Variants in COASY observed in about 807,000 individuals in gnomAD.
The protein encoded by COASY is bifunctional coenzyme A synthase.
In COASY, 31 loss-of-function variants were observed where a neutral mutation model predicts 49.4. The observed-to-expected ratio is 0.63, with a 90% CI of 0.47 to 0.85. The LOEUF is 0.85. COASY is among the 40% of genes least tolerant of loss of function. The pLI, the probability that COASY is intolerant of heterozygous loss-of-function variation, is 0.00. For missense variants in COASY, 730 were observed against 734.1 expected, an observed-to-expected ratio of 0.99 and a Z score of 0.06; for synonymous variants, 285 against 310.9, an observed-to-expected ratio of 0.92 and a Z score of 0.88.
At position 42,564,567 on chromosome 17, in the gene COASY, G is replaced by A. The variant is rs1157071421; in HGVS notation, c.1037G>A (p.Arg346Gln). The change falls in exon 3 of 9, where the codon CGG becomes CAG. Residue 346 changes from arginine (R) to glutamine (Q), a missense_variant. Arg to Gln is a conservative substitution (Grantham distance 43, BLOSUM62 1). Coordinates refer to ENST00000393818, the MANE Select transcript of COASY (RefSeq NM_025233.7). ...CAGCGAATGTTGGGGAACCTGCTTC[G>A]GCCTCCATATGTAAGCTCCTCTCCC... is the stretch of plus-strand genomic sequence containing the variant. ...FRQRMLGNLLRPPYERPELPT... is the reference protein window; with the variant it reads ...FRQRMLGNLLQPPYERPELPT... 3.7e-6 allele frequency: 6 copies of A among 1,612,420 alleles called. No individual in the cohort carries two copies. The highest frequency in any genetic ancestry group is 2.2e-5 in the East Asian group (1 of 44,882).
chr17:42,563,902 GGCC>G, intron 1 of COASY, 56 bp from the exon 2 acceptor site: 2 of 1,402,550 alleles, frequency 1.4e-6, no homozygotes, highest in Non-Finnish European at 2.0e-6. Flanking sequence ...TTCCCAAACT[GGCC>G]CATACTCTCC....
rs2092977713 is a variant in COASY, at chr17:42,562,161, G to A, written c.-462G>A. On this transcript the variant is annotated 5_prime_UTR_variant, in exon 1 of 9. Transcript: ENST00000393818. ...TGCGGTTTCTCCGTTAGTGCTTCCG[G>A]GTTGCAGCCAGGGAAGCCTCCGCGG... 6.2e-6 allele frequency: 3 copies of A among 484,620 alleles called. No homozygotes were observed. Among genetic ancestry groups the A allele is most frequent in the Middle Eastern group, 5.0e-4 (1 of 1,994 alleles). 30.0% of individuals were successfully genotyped at this position (484,620 alleles called of 1,614,324 possible).
At chr17:42,565,149 C>T in intron 5 of COASY, 78 bp from the exon 6 acceptor site, 1 of 1,587,378 alleles carries the variant, frequency 6.3e-7, no homozygotes, top group Non-Finnish European at 8.7e-7. Flanking sequence ...TTCCATTGAT[C>T]TGTTCCCAAC....
In COASY at chr17:42,564,409, C is replaced by T. The variant is rs192571848; in HGVS notation, c.916-37C>T. ...GATGTCAGGGTCTTCCTCTCACTCC[C>T]TCCTTCCCTCTTTTTACCCTTTCCT... On this transcript the variant is annotated intron_variant, in intron 2 of 8. Coordinates refer to ENST00000393818, the MANE Select transcript of COASY (RefSeq NM_025233.7). 8.7e-6 allele frequency: 14 copies of T among 1,613,448 alleles called. No homozygotes were observed. In the South Asian group the frequency reaches 8.8e-5, roughly 10 times the overall value.
Position 42,565,060 on chromosome 17 carries a change from TTCCTAAGGGC to T in COASY, c.1302+21_1302+30del. ...GTTTGGGAATAAGGTAAACAATAAC[TTCCTAAGGGC>T]TCCTAAGCCGCTACTAGACCCAGGG... On this transcript the variant is annotated intron_variant, in intron 5 of 8. Coordinates refer to ENST00000393818, the MANE Select transcript of COASY (RefSeq NM_025233.7). The T allele has an allele frequency of 6.2e-7, 1 of 1,613,748 alleles. No homozygotes were observed. The highest frequency in any genetic ancestry group is 8.5e-7 in the Non-Finnish European group (1 of 1,179,664).
chr17:42,565,837 G>C (rs2143227553), intron 8 of COASY, 32 bp downstream of exon 8: 2 of 1,613,952 alleles, frequency 1.2e-6, no homozygotes, highest in Non-Finnish European at 1.7e-6. Flanking sequence ...GGGTTGTGGG[G>C]AAGGAGTCTC....
rs1322724165 is a variant in COASY at position 42,564,827 on chromosome 17, A to G, written c.1166A>G (p.Asp389Gly). 1 of 1,566,098 alleles carries G rather than the reference A, an allele frequency of 6.4e-7. No individual in the cohort carries two copies. Among genetic ancestry groups the G allele is most frequent in the South Asian group, 1.2e-5 (1 of 83,020 alleles). Residue 389 changes from aspartate to glycine, a missense_variant, in exon 4 of 9, where the codon GAC becomes GGC. Asp to Gly is a moderately conservative substitution (Grantham distance 94). Transcript: ENST00000393818. The stretch of plus-strand genomic sequence containing the variant: ...CTGGGGGCGTTTGTCATTGACAGTG[A>G]CCACCTGGGTCATCGGGCCTATGCC... ...KGLGAFVIDS[D>G]HLGHRAYAPG...
rs990004872 is a variant in COASY at position 42,562,229 on chromosome 17, G to A, written c.-394G>A. 1.3e-5 allele frequency: 7 copies of A among 557,940 alleles called. No homozygotes were observed. Among genetic ancestry groups the A allele is most frequent in the East Asian group, 3.1e-5 (1 of 31,902 alleles). The allele number at this position is 557,940 out of a possible 1,614,324, so 34.6% of individuals were successfully genotyped here. On this transcript the variant is annotated 5_prime_UTR_variant, in exon 1 of 9. Coordinates refer to ENST00000393818, the MANE Select transcript of COASY (RefSeq NM_025233.7). The stretch of plus-strand genomic sequence containing the variant: ...AAGCCTTGAGGTTTCAGTGAGTAGG[G>A]GGCCGACGTGAGCTTTAGCGTCCCC...
In COASY at chr17:42,563,186, G is replaced by T. The variant is rs777078367; in HGVS notation, c.564G>T (p.Val188=). 1 of 1,613,962 alleles carries T rather than the reference G, an allele frequency of 6.2e-7. No homozygotes were observed. Among genetic ancestry groups the T allele is most frequent in the Non-Finnish European group, 8.5e-7 (1 of 1,180,050 alleles). The change falls in exon 1 of 9, where the codon GTG becomes GTT. Residue 188 remains valine (V), a synonymous_variant. Transcript: ENST00000393818. ...SPVAGSPKQP[V]RGYYRGAVGG... ...TGGCCGGGTCTCCAAAGCAGCCGGT[G>T]CGTGGCTACTACCGTGGCGCTGTCG...
chr17:42,564,477 AGCT>A lies in COASY; in HGVS notation c.952_954del (p.Leu318del), dbSNP rs1234593864. On this transcript the variant is annotated inframe_deletion, in exon 3 of 9. Coordinates refer to ENST00000393818, the MANE Select transcript of COASY (RefSeq NM_025233.7). Reference sequence around the variant, plus strand: ...GAGGAACTTGCTTTGTACCAGATCCAGCTGCTGAAGGACCTCAGACATACAGAG... The same window carrying A: ...GAGGAACTTGCTTTGTACCAGATCCAGCTGAAGGACCTCAGACATACAGAG... 6 of 1,613,550 alleles carry A rather than the reference AGCT, an allele frequency of 3.7e-6. No homozygotes were observed. Among genetic ancestry groups the A allele is most frequent in the Non-Finnish European group, 5.1e-6 (6 of 1,179,682 alleles).
Position 42,565,999 on chromosome 17 carries a change from G to A in COASY, c.*31G>A, listed in dbSNP as rs1480901607. The stretch of plus-strand genomic sequence containing the variant: ...TCTCAGTGGGGCCAGACTGGCTCCT[G>A]GAGCTGACAAGCGACCCCGTGGTGA... On this transcript the variant is annotated 3_prime_UTR_variant, in exon 9 of 9. Coordinates refer to ENST00000393818, the MANE Select transcript of COASY (RefSeq NM_025233.7). 1.2e-6 allele frequency: 2 copies of A among 1,611,044 alleles called. No homozygotes were observed. Among genetic ancestry groups the A allele is most frequent in the Non-Finnish European group, 1.7e-6 (2 of 1,177,886 alleles).
At chr17:42,565,166 T>G (rs2092995936) in intron 5 of COASY, 61 bp from the exon 6 acceptor site, 1 of 1,599,234 alleles carries the variant, frequency 6.3e-7, no homozygotes, top group Non-Finnish European at 8.6e-7. Flanking sequence ...CAACACCACC[T>G]TGCTCGGGCT....
chr17:42,562,157 T>A lies in COASY; in HGVS notation c.-466T>A, dbSNP rs1024942105. ...GAGTTGCGGTTTCTCCGTTAGTGCT[T>A]CCGGGTTGCAGCCAGGGAAGCCTCC... On this transcript the variant is annotated 5_prime_UTR_variant, in exon 1 of 9. Transcript: ENST00000393818. The A allele has an allele frequency of 1.4e-5, 7 of 483,868 alleles. No homozygotes were observed. Among genetic ancestry groups the A allele is most frequent in the African/African-American group, 1.2e-4 (6 of 49,966 alleles). 30.0% of individuals were successfully genotyped at this position (483,868 alleles called of 1,614,324 possible). A position where few individuals can be genotyped will look rare whatever the true frequency, so the allele number is the denominator to read the frequency against.
At chr17:42,563,893 T>C (rs1363245377) in intron 1 of COASY, 68 bp from the exon 2 acceptor site, 1 of 1,333,656 alleles carries the variant, frequency 7.5e-7, no homozygotes, top group East Asian at 2.3e-5. Flanking sequence ...GGACACTTTT[T>C]CCCAAACTGG....
chr17:42,564,980 C>T lies in COASY; in HGVS notation c.1238-3C>T, dbSNP rs1567905537. ...TGCTCAGTTGTCTGTCTGTGTTGTC[C>T]AGATATTCTCCATAAAGATGGCATC... On this transcript the variant is annotated splice_polypyrimidine_tract_variant and splice_region_variant and intron_variant, in intron 4 of 8. Transcript: ENST00000393818. 6.2e-7 allele frequency: 1 copy of T among 1,614,172 alleles called. No homozygotes were observed.
At chr17:42,563,492 C>T (rs2092987866) in intron 1 of COASY, 170 bp downstream of exon 1, 1 of 647,314 alleles carries the variant, frequency 1.5e-6, no homozygotes. Flanking sequence ...AAATGAACAG[C>T]TTTCTCAGCA....
rs2093003896 is a variant in COASY at position 42,566,166 on chromosome 17, G to C, written c.*198G>C. 1 of 611,958 alleles carries C rather than the reference G, an allele frequency of 1.6e-6. No individual in the cohort carries two copies. The highest frequency in any genetic ancestry group is 1.8e-5 in the African/African-American group (1 of 54,198). 37.9% of individuals were successfully genotyped at this position (611,958 alleles called of 1,614,324 possible). A position where few individuals can be genotyped will look rare whatever the true frequency, so the allele number is the denominator to read the frequency against. ...GGCCAACACTGAGGATGTGGTTCAT[G>C]GGGGAGCAGTCCCCTCCCCACTCTT... On this transcript the variant is annotated 3_prime_UTR_variant, in exon 9 of 9. Coordinates refer to ENST00000393818, the MANE Select transcript of COASY (RefSeq NM_025233.7).
At position 42,562,690 on chromosome 17, in the gene COASY, C is replaced by T; in HGVS notation, c.68C>T (p.Ala23Val). The change falls in exon 1 of 9, where the codon GCC becomes GTC. Residue 23 changes from alanine to valine, a missense_variant. By Grantham distance (64) the Ala-to-Val change is moderately conservative. Coordinates refer to ENST00000393818, the MANE Select transcript of COASY (RefSeq NM_025233.7). The stretch of plus-strand genomic sequence containing the variant: ...CTGGCCTCCCTAGCCCCTCGCCTGG[C>T]CTCCATCCTGACCTCGGCGGCCCGG... The part of the protein sequence containing the change: ...TPLASLAPRL[A>V]SILTSAARLV... The T allele has an allele frequency of 1.3e-6, 2 of 1,554,922 alleles. No homozygotes were observed. Among genetic ancestry groups the T allele is most frequent in the Non-Finnish European group, 1.7e-6 (2 of 1,151,730 alleles).
In COASY at chr17:42,566,017, C is replaced by T. The variant is rs770695550; in HGVS notation, c.*49C>T. The T allele has an allele frequency of 8.1e-6, 13 of 1,596,066 alleles. No individual in the cohort carries two copies. Among genetic ancestry groups the T allele is most frequent in the Middle Eastern group, 1.7e-4 (1 of 6,042 alleles). On this transcript the variant is annotated 3_prime_UTR_variant, in exon 9 of 9. Coordinates refer to ENST00000393818, the MANE Select transcript of COASY (RefSeq NM_025233.7). Reference sequence around the variant, plus strand: ...GGCTCCTGGAGCTGACAAGCGACCCCGTGGTGAGGAGAAATGGGGGCCTTG... The same window carrying T: ...GGCTCCTGGAGCTGACAAGCGACCCTGTGGTGAGGAGAAATGGGGGCCTTG...
Sources: gnomAD v4.1 joint callset for allele counts on GRCh38, gnomAD v4.1.1 for gene constraint, MANE v1.5 for transcripts, NCBI Gene and HGNC (gene_info 2026-07-23, HGNC 2026-07-21) for gene names.